HEXA: variants seen among roughly 807,000 people sequenced by gnomAD.
HEXA encodes beta-hexosaminidase subunit alpha.
Under a neutral mutation model 73.3 loss-of-function variants are expected in HEXA, and 54 were observed. That is an observed-to-expected ratio of 0.74 (90% CI 0.59 to 0.92). The LOEUF (loss-of-function observed/expected upper bound fraction) is 0.92, where lower values mean the gene tolerates loss of function less well. Ranked by LOEUF, HEXA falls within the 40% of genes least tolerant of loss-of-function variation. The pLI is 0.00. For missense variants in HEXA, 649 were observed against 653.0 expected (o/e 0.99, Z 0.07); for synonymous variants, 230 against 246.9 (o/e 0.93, Z 0.64).
chr15:72,367,267 T>C (rs1483415623), intron 1 of HEXA, among the ~76,000 whole-genome samples: 1 of 152,168 alleles, frequency 6.6e-6, no homozygotes, highest in African/African-American at 2.4e-5. Flanking sequence ...ACTCCTTCCC[T>C]TCCTCTCCTA....
intron 1 of HEXA, chr15:72,358,837 G>A (rs985981939): frequency 4.6e-5 from 7 of 152,244 alleles, no homozygotes; most frequent in African/African-American, 1.2e-4. Flanking sequence ...TGTAAATAGG[G>A]TATCACCACT....
intron 6 of HEXA, 182 bp from the exon 7 acceptor site, chr15:72,350,832 T>C (rs1179451341): frequency 3.0e-6 from 2 of 664,384 alleles, no homozygotes; most frequent in Non-Finnish European, 5.3e-6. Context: ...CTGTTTTATC[T>C]GAGTATCATA....
intron 1 of HEXA, among the ~76,000 whole-genome samples, chr15:72,364,300 GA>G (rs376639920): frequency 8.2e-5 from 12 of 145,674 alleles, no homozygotes; most frequent in Admixed American, 3.4e-4. Context: ...AACAAAAACA[GA>G]AAAAAAAAAT....
In HEXA at chr15:72,353,118, A is replaced by G; in HGVS notation, c.520T>C (p.Leu174=). The part of the protein sequence containing the change: ...FPRFPHRGLL[L]DTSRHYLPLS... ...GGCAGGTAATGGCGAGATGTATCCA[A>G]CAGCAAGCCCCGGTGAGGAAAGCGG... Residue 174 remains leucine (L), a synonymous_variant, in exon 5 of 14, where the codon TTG becomes CTG. Coordinates refer to ENST00000268097, the MANE Select transcript of HEXA (RefSeq NM_000520.6). 6.2e-7 allele frequency: 1 copy of G among 1,613,920 alleles called. No individual in the cohort carries two copies. The highest frequency in any genetic ancestry group is 8.5e-7 in the Non-Finnish European group (1 of 1,179,776).
At chr15:72,344,976 T>C (rs1293917518) in intron 13 of HEXA, among the ~76,000 whole-genome samples, 1 of 152,236 alleles carries the variant, frequency 6.6e-6, no homozygotes, top group Non-Finnish European at 1.5e-5. Context: ...ACCTGTCTCA[T>C]GGGGCTGTGG....
intron 1 of HEXA, chr15:72,370,697 T>TAAAAAAAAAAAAAG (rs371092265): frequency 0.056 from 18,525 of 329,522 alleles, 125 homozygotes; most frequent in Non-Finnish European, 0.068. Flanking sequence ...ACCTGTTTCT[T>TAAAAAAAAAAAAAG]AAAAAAAAAA....
intron 1 of HEXA, among the ~76,000 whole-genome samples, chr15:72,372,693 G>T (rs1031571202): frequency 1.3e-5 from 2 of 152,214 alleles, no homozygotes; most frequent in African/African-American, 4.8e-5. Flanking sequence ...CACCTTCACA[G>T]ACCATTTAGC....
At chr15:72,355,310 G>C (rs1313985293) in intron 3 of HEXA, 4 of 503,396 alleles carry the variant, frequency 7.9e-6, no homozygotes, top group Admixed American at 3.1e-5. Context: ...TGGATCACTT[G>C]AACTCAGGAG....
chr15:72,345,001 G>A (rs890313), intron 13 of HEXA, among the ~76,000 whole-genome samples: 1 of 152,176 alleles, frequency 6.6e-6, no homozygotes, highest in Non-Finnish European at 1.5e-5. Flanking sequence ...GACTAAATGA[G>A]ACAATATTTG....
Position 72,375,918 on chromosome 15 carries a change from G to C in HEXA, c.55C>G (p.Arg19Gly). ...SLLLAAAFAG[R>G]ATALWPWPQN... ...GGCCAGGGCCAGAGGGCCGTCGCCCGTCCTGCGAACGCTGCCGCCAGCAGC... is the reference window on the plus strand; with the variant it reads ...GGCCAGGGCCAGAGGGCCGTCGCCCCTCCTGCGAACGCTGCCGCCAGCAGC... Residue 19 changes from arginine (R) to glycine (G), a missense_variant, in exon 1 of 14, where the codon CGG (arginine) becomes GGG (glycine). Physicochemically the swap from Arg to Gly is moderately radical, Grantham distance 125. Transcript: ENST00000268097. 6.2e-7 allele frequency: 1 copy of C among 1,614,156 alleles called. No individual in the cohort carries two copies. The highest frequency in any genetic ancestry group is 1.1e-5 in the South Asian group (1 of 91,086).
intron 1 of HEXA, among the ~76,000 whole-genome samples, chr15:72,363,823 C>T (rs1253494681): frequency 2.0e-5 from 3 of 152,174 alleles, no homozygotes; most frequent in Non-Finnish European, 4.4e-5. Flanking sequence ...TAAAACTGAT[C>T]TGTCCCTCCC....
intron 5 of HEXA, chr15:72,351,468 A>G: frequency 1.7e-6 from 1 of 593,664 alleles, no homozygotes; most frequent in Admixed American, 2.8e-5. Context: ...AAGATGGATG[A>G]TAGAAGTGGT....
At chr15:72,345,748 T>C in intron 12 of HEXA, 198 bp from the exon 13 acceptor site, 1 of 724,196 alleles carries the variant, frequency 1.4e-6, no homozygotes, top group Non-Finnish European at 2.3e-6. Flanking sequence ...TTCATTAAAA[T>C]GTGGGTAGCA....
At chr15:72,353,206 A>G in intron 4 of HEXA, 28 bp from the exon 5 acceptor site, 1 of 1,371,060 alleles carries the variant, frequency 7.3e-7, no homozygotes, top group Non-Finnish European at 1.0e-6. Flanking sequence ...TGAACATGTC[A>G]GTTTCAAAGG....
chr15:72,356,671 C>G, intron 1 of HEXA, 54 bp from the exon 2 acceptor site: 2 of 1,610,180 alleles, frequency 1.2e-6, no homozygotes, highest in Non-Finnish European at 1.7e-6. Context: ...AAGCAACAGG[C>G]AAAACCAAGA....
chr15:72,358,249 CT>C (rs1205912000), intron 1 of HEXA: 2 of 152,174 alleles, frequency 1.3e-5, no homozygotes, highest in Non-Finnish European at 2.9e-5. Context: ...GAGAATTCAT[CT>C]GCATATCTAC....
At chr15:72,355,721 A>G in intron 2 of HEXA, 97 bp from the exon 3 acceptor site, 3 of 856,796 alleles carry the variant, frequency 3.5e-6, no homozygotes, top group Non-Finnish European at 5.9e-6. Flanking sequence ...CTAAAAAAAA[A>G]AAACAGTAAG....
chr15:72,356,796 T>A (rs2088790759), intron 1 of HEXA, 179 bp from the exon 2 acceptor site: 2 of 902,418 alleles, frequency 2.2e-6, no homozygotes, highest in Non-Finnish European at 3.5e-6. Context: ...ACTCTCGTTG[T>A]GCCCCTCTTC....
At chr15:72,346,761 T>G in intron 10 of HEXA, 51 bp from the exon 11 acceptor site, 1 of 1,566,354 alleles carries the variant, frequency 6.4e-7, no homozygotes, top group Non-Finnish European at 8.8e-7. Flanking sequence ...AGGAGATTCC[T>G]GGGCCTTATT....
Sources: gnomAD v4.1 joint callset for allele counts (sites outside exome capture counted in the v4.1 genomes callset) on GRCh38, gnomAD v4.1.1 for gene constraint, MANE v1.5 for transcripts, NCBI Gene and HGNC (gene_info 2026-07-23, HGNC 2026-07-21) for gene names.